The following GLRA2 variants were observed in gnomAD, a reference collection of about 807,000 sequenced individuals.
GLRA2 encodes the protein glycine receptor subunit alpha-2.
GLRA2 carries 11 observed loss-of-function variants against 31.6 expected under a neutral mutation model. The ratio of observed to expected loss-of-function variants is 0.35; its 90% CI spans 0.22 to 0.58. GLRA2 has a LOEUF of 0.58. GLRA2 is among the 20% of genes least tolerant of loss of function. The pLI is 0.84. For synonymous variants in GLRA2, 132 were observed against 134.0 expected (o/e 0.99, Z 0.10); for missense variants, 212 against 351.8 (o/e 0.60, Z 3.18).
chrX:14,522,366 C>T, the GLRA2 span, among the ~76,000 whole-genome samples: 434 of 112,092 alleles, frequency 3.9e-3, 7 homozygotes, highest in African/African-American at 0.013. Context: ...CTATTTTCAC[C>T]ACATCTGCAG....
Position 14,731,167 on chromosome X carries a change from A to ATGAC in GLRA2, c.*683_*686dup, listed in dbSNP as rs1475030096. On this transcript the variant is annotated 3_prime_UTR_variant, in exon 9 of 9. Coordinates refer to ENST00000218075, the MANE Select transcript of GLRA2 (RefSeq NM_002063.4). ...AATAACAATGACAAAATAAACACCA[A>ATGAC]TGACAGAAAAATTTCTACTTTACTG... The ATGAC allele has an allele frequency of 8.9e-6, 1 of 112,159 alleles. No homozygotes were observed. Among genetic ancestry groups the ATGAC allele is most frequent in the Non-Finnish European group, 1.9e-5 (1 of 53,247 alleles). The allele number at this position is 112,159 out of a possible 1,213,427, so 9.2% of individuals were successfully genotyped here. A position where few individuals can be genotyped will look rare whatever the true frequency, so the allele number is the denominator to read the frequency against.
intron 8 of GLRA2, among the ~76,000 whole-genome samples, chrX:14,725,402 G>C (rs2091917951): frequency 9.0e-6 from 1 of 110,760 alleles, no homozygotes; most frequent in African/African-American, 3.3e-5. Flanking sequence ...TGCTTCCTAA[G>C]ACAGACTGGA....
the GLRA2 span, among the ~76,000 whole-genome samples, chrX:14,480,246 A>G: frequency 1.8e-5 from 2 of 111,899 alleles, no homozygotes; most frequent in Non-Finnish European, 3.8e-5. Context: ...TAAGCTCCTT[A>G]CAGATTCTGA....
intron 4 of GLRA2, among the ~76,000 whole-genome samples, chrX:14,591,505 C>T (rs1460528207): frequency 9.0e-6 from 1 of 111,708 alleles, no homozygotes; most frequent in Non-Finnish European, 1.9e-5. Context: ...AGATGAAGAC[C>T]GGAAGACTCA....
At chrX:14,534,969 T>C (rs2089302981) in intron 2 of GLRA2, among the ~76,000 whole-genome samples, 1 of 111,432 alleles carries the variant, frequency 9.0e-6, no homozygotes, top group Admixed American at 9.6e-5. Flanking sequence ...GAATTTAATA[T>C]AGTCAGTAGA....
Position 14,730,169 on chromosome X carries a change from A to G in GLRA2, c.1081-38A>G, listed in dbSNP as rs748068071. ...AAGCATCTTCCATCTAACTTGACTG[A>G]CAACCAATCTGTGCTTCCTCTGTCT... is the stretch of plus-strand genomic sequence containing the variant. On this transcript the variant is annotated intron_variant, in intron 8 of 8. Transcript: ENST00000218075. The G allele has an allele frequency of 6.4e-6, 7 of 1,091,300 alleles. No individual in the cohort carries two copies. The Admixed American group carries it at 1.6e-4, about 26-fold the overall frequency. The allele number at this position is 1,091,300 out of a possible 1,213,427, so 89.9% of individuals were successfully genotyped here.
chrX:14,596,149 C>T (rs748711934), intron 4 of GLRA2, among the ~76,000 whole-genome samples: 1 of 110,940 alleles, frequency 9.0e-6, no homozygotes, highest in South Asian at 4.0e-4. Flanking sequence ...TTGCAGCCAC[C>T]TCCCTAACTT....
At chrX:14,490,612 T>C in the GLRA2 span, among the ~76,000 whole-genome samples, 2 of 112,173 alleles carry the variant, frequency 1.8e-5, no homozygotes, top group Non-Finnish European at 3.8e-5. Context: ...GCAAAATTCA[T>C]GTTCTTGGTA....
intron 2 of GLRA2, among the ~76,000 whole-genome samples, chrX:14,548,354 G>A (rs1045441446): frequency 6.3e-5 from 7 of 111,412 alleles, no homozygotes; most frequent in African/African-American, 2.3e-4. Flanking sequence ...TTCTATTACA[G>A]GTTGAATTGA....
chrX:14,691,318 TGTGTGTGCGC>T (rs1360273527), intron 8 of GLRA2, among the ~76,000 whole-genome samples: 2 of 64,264 alleles, frequency 3.1e-5, no homozygotes, highest in African/African-American at 6.9e-5. Context: ...TGTGTGTGTG[TGTGTGTGCGC>T]GCGTGCGTGC....
intron 8 of GLRA2, among the ~76,000 whole-genome samples, chrX:14,719,020 C>T (rs148875833): frequency 6.0e-4 from 67 of 111,831 alleles, no homozygotes; most frequent in African/African-American, 2.1e-3. Flanking sequence ...TTGACAAATA[C>T]ATTTTGCCAC....
intron 7 of GLRA2, among the ~76,000 whole-genome samples, chrX:14,656,404 C>T (rs1273027316): frequency 2.0e-4 from 22 of 112,156 alleles, no homozygotes; most frequent in Admixed American, 1.5e-3. Context: ...AGGCCACTTC[C>T]ACATTTTCTA....
At chrX:14,466,255 C>T in the GLRA2 span, among the ~76,000 whole-genome samples, 1 of 110,758 alleles carries the variant, frequency 9.0e-6, no homozygotes. Flanking sequence ...GCACAATCAG[C>T]ATGCCTTCCA....
chrX:14,683,222 G>T (rs1372184765), intron 7 of GLRA2, among the ~76,000 whole-genome samples: 1 of 111,693 alleles, frequency 9.0e-6, no homozygotes, highest in South Asian at 3.8e-4. Flanking sequence ...GTTGTTTCCT[G>T]ACTTTTTAAT....
intron 8 of GLRA2, among the ~76,000 whole-genome samples, chrX:14,725,440 A>G (rs1289594600): frequency 1.8e-5 from 2 of 111,242 alleles, no homozygotes; most frequent in African/African-American, 6.5e-5. Context: ...GCATTGAGTG[A>G]GACTCACTAC....
At chrX:14,697,657 A>G (rs2091468512) in intron 8 of GLRA2, among the ~76,000 whole-genome samples, 1 of 110,821 alleles carries the variant, frequency 9.0e-6, no homozygotes, top group Non-Finnish European at 1.9e-5. Context: ...TGCTGCCCCT[A>G]CTGGTCACTT....
rs142271751 is a variant in GLRA2, at chrX:14,550,767, T to G, written c.202+18395T>G. On this transcript the variant is annotated intron_variant, in intron 2 of 8. Transcript: ENST00000218075. ...TTGGCTTATTGAGTAGGAAGATATTTTATGTATTTCAAACATATGTCCCAG... is the reference window on the plus strand; with the variant it reads ...TTGGCTTATTGAGTAGGAAGATATTGTATGTATTTCAAACATATGTCCCAG... Among the ~76,000 whole-genome samples, 253 of 112,213 alleles carry G rather than the reference T, an allele frequency of 2.3e-3. 1 individual carries two copies. Among genetic ancestry groups the G allele is most frequent in the African/African-American group, 7.8e-3 (240 of 30,922 alleles).
intron 7 of GLRA2, among the ~76,000 whole-genome samples, chrX:14,681,967 ATG>A (rs1031943016): frequency 1.2e-5 from 1 of 84,635 alleles, no homozygotes; most frequent in Non-Finnish European, 2.3e-5. Context: ...ATGTATATTT[ATG>A]TGTGTATATA....
At chrX:14,629,846 C>T (rs903704678) in intron 7 of GLRA2, among the ~76,000 whole-genome samples, 1 of 111,735 alleles carries the variant, frequency 8.9e-6, no homozygotes, top group Non-Finnish European at 1.9e-5. Flanking sequence ...TATAAGAGCC[C>T]TACAAGGCAA....
Sources: gnomAD v4.1 joint callset for allele counts (sites outside exome capture counted in the v4.1 genomes callset) on GRCh38, gnomAD v4.1.1 for gene constraint, MANE v1.5 for transcripts, NCBI Gene and HGNC (gene_info 2026-07-23, HGNC 2026-07-21) for gene names.